The following SCAF11 variants were observed in gnomAD, a reference collection of about 807,000 sequenced individuals.
SCAF11 encodes protein SCAF11.
In SCAF11, 47 loss-of-function variants were observed where a neutral mutation model predicts 140.5. That is an observed-to-expected ratio of 0.33 (90% CI 0.26 to 0.43). SCAF11 has a LOEUF of 0.43. SCAF11 is among the 20% of genes least tolerant of loss of function. SCAF11 has a pLI of 1.00. For missense variants in SCAF11, 1,645 were observed against 1,705.1 expected, an observed-to-expected ratio of 0.96 and a Z score of 0.62; for synonymous variants, 557 against 579.4, an observed-to-expected ratio of 0.96 and a Z score of 0.55.
Position 45,920,129 on chromosome 12 carries a change from T to G in SCAF11, c.*1919A>C, listed in dbSNP as rs1314922336. 2.0e-5 allele frequency: 3 copies of G among 152,140 alleles called. No individual in the cohort carries two copies. Among genetic ancestry groups the G allele is most frequent in the Non-Finnish European group, 2.9e-5 (2 of 68,006 alleles). The allele number at this position is 152,140 out of a possible 1,614,324, so 9.4% of individuals were successfully genotyped here. ...CGCAAACTTTAAAAATATATACCAGTAGAATACCATATTACAAATGCCCAG... is the reference window on the plus strand; with the variant it reads ...CGCAAACTTTAAAAATATATACCAGGAGAATACCATATTACAAATGCCCAG... On this transcript the variant is annotated 3_prime_UTR_variant, in exon 15 of 15. Coordinates refer to ENST00000369367, the MANE Select transcript of SCAF11 (RefSeq NM_004719.3).
Position 45,981,140 on chromosome 12 carries a change from T to A in SCAF11, c.-22+9213A>T, listed in dbSNP as rs368692229. On this transcript the variant is annotated intron_variant, in intron 1 of 14. Coordinates refer to ENST00000369367, the MANE Select transcript of SCAF11 (RefSeq NM_004719.3). ...GGATTATCACCTAAATGTAATCTTA[T>A]TATAAATGCTACAAACTGCCAACTA... 2.3e-3 allele frequency among the ~76,000 whole-genome samples: 348 copies of A among 152,346 alleles called. 12 individuals are homozygous for A. The South Asian group carries it at 0.068, about 30-fold the overall frequency.
intron 10 of SCAF11, among the ~76,000 whole-genome samples, chr12:45,930,420 T>TA (rs1205954002): frequency 2.0e-5 from 3 of 151,902 alleles, no homozygotes; most frequent in Non-Finnish European, 4.4e-5. Context: ...ATGATTACAT[T>TA]AAACCAGGTT....
At position 45,934,202 on chromosome 12, in the gene SCAF11, T is replaced by G; in HGVS notation, c.606A>C (p.Glu202Asp). The change falls in exon 8 of 15, where the codon GAA becomes GAC. Residue 202 changes from glutamate to aspartate, a missense_variant. Around this residue, in one of 2 missense-constraint regions of SCAF11, gnomAD observed 1,582 missense variants for 1,609.2 expected, o/e 0.98. Coordinates refer to ENST00000369367, the MANE Select transcript of SCAF11 (RefSeq NM_004719.3). ...AATAAGCTCTATAGGTAAAGGAAGA[T>G]TCTCCAGAGTGGCTAACAGAAGAAA... The part of the protein sequence containing the change: ...NMFSSVSHSG[E>D]SSFTYRAYCT... The G allele has an allele frequency of 6.2e-7, 1 of 1,602,136 alleles. No individual in the cohort carries two copies. The highest frequency in any genetic ancestry group is 8.5e-7 in the Non-Finnish European group (1 of 1,170,360).
At chr12:45,970,314 G>GT (rs1453828897) in intron 1 of SCAF11, among the ~76,000 whole-genome samples, 1 of 152,220 alleles carries the variant, frequency 6.6e-6, no homozygotes, top group East Asian at 1.9e-4. Context: ...TTACAAGCAT[G>GT]TGCCACTGTG....
chr12:45,933,508 A>G (rs964522932), intron 8 of SCAF11, among the ~76,000 whole-genome samples: 1 of 152,170 alleles, frequency 6.6e-6, no homozygotes, highest in Non-Finnish European at 1.5e-5. Flanking sequence ...AATAAAGTCA[A>G]GTCAGAGTAA....
intron 1 of SCAF11, among the ~76,000 whole-genome samples, chr12:45,973,281 T>A (rs1280111176): frequency 3.5e-5 from 5 of 142,444 alleles, no homozygotes; most frequent in African/African-American, 7.9e-5. Context: ...AGAAAAACAT[T>A]GAAAAAAAAA....
At chr12:45,922,346 T>C (rs536717229) in intron 14 of SCAF11, 117 bp downstream of exon 14, 2 of 1,479,958 alleles carry the variant, frequency 1.4e-6, no homozygotes, top group Non-Finnish European at 9.1e-7. Flanking sequence ...GGCAAAAAAG[T>C]AGACAGGAAT....
intron 1 of SCAF11, chr12:45,975,705 G>C (rs1391385521): frequency 2.0e-5 from 3 of 152,370 alleles, no homozygotes; most frequent in Non-Finnish European, 2.9e-5. Flanking sequence ...CTTCATATCA[G>C]TGACAAGGCT....
intron 3 of SCAF11, chr12:45,961,353 A>G (rs1283060923): frequency 2.8e-6 from 2 of 715,376 alleles, no homozygotes; most frequent in East Asian, 5.4e-5. Context: ...AGCAGACAGA[A>G]GGTGTTATTA....
intron 5 of SCAF11, among the ~76,000 whole-genome samples, chr12:45,946,180 A>G (rs933375050): frequency 3.3e-5 from 5 of 152,210 alleles, no homozygotes; most frequent in Non-Finnish European, 1.5e-5. Flanking sequence ...ATGGAGGTTC[A>G]CTACCAAGAA....
At chr12:45,940,965 T>C (rs1945284376) in intron 6 of SCAF11, among the ~76,000 whole-genome samples, 1 of 152,134 alleles carries the variant, frequency 6.6e-6, no homozygotes, top group Non-Finnish European at 1.5e-5. Flanking sequence ...TCACCACACT[T>C]GGCTAATTTT....
chr12:45,961,538 TTAG>T (rs1345278834), intron 3 of SCAF11, 159 bp downstream of exon 3: 1 of 627,386 alleles, frequency 1.6e-6, no homozygotes, highest in African/African-American at 1.9e-5. Context: ...TAAAAGAAAA[TTAG>T]AAGAAAATGA....
In SCAF11 at chr12:45,931,586, T is replaced by G; in HGVS notation, c.761A>C (p.Glu254Ala). Reference protein sequence around the residue: ...GRIGFIPWNVETEVLPLISSV... With the variant: ...GRIGFIPWNVATEVLPLISSV... Reference sequence around the variant, plus strand: ...AGAAATGAGAGGAAGGACTTCTGTTTCAACATTCCAGGGTATAAAACCAAT... The same window carrying G: ...AGAAATGAGAGGAAGGACTTCTGTTGCAACATTCCAGGGTATAAAACCAAT... Residue 254 changes from glutamate to alanine, a missense_variant, in exon 10 of 15, where the codon GAA (glutamate) becomes GCA (alanine). Physicochemically the swap from Glu to Ala is moderately radical, Grantham distance 107. Coordinates refer to ENST00000369367, the MANE Select transcript of SCAF11 (RefSeq NM_004719.3). The G allele has an allele frequency of 2.6e-6, 4 of 1,538,600 alleles. No homozygotes were observed. The highest frequency in any genetic ancestry group is 1.3e-5 in the South Asian group (1 of 74,846).
At chr12:45,979,085 T>C (rs1404818975) in intron 1 of SCAF11, among the ~76,000 whole-genome samples, 1 of 100,650 alleles carries the variant, frequency 9.9e-6, no homozygotes, top group Admixed American at 1.0e-4. Flanking sequence ...TGGTGGGGCT[T>C]TTAGGAGGTG....
Position 45,926,219 on chromosome 12 carries a change from T to C in SCAF11, c.3482A>G (p.Tyr1161Cys). 1 of 1,614,216 alleles carries C rather than the reference T, an allele frequency of 6.2e-7. No individual in the cohort carries two copies. The highest frequency in any genetic ancestry group is 8.5e-7 in the Non-Finnish European group (1 of 1,180,030). Residue 1161 changes from tyrosine (Y) to cysteine (C), a missense_variant, in exon 11 of 15, where the codon TAC (tyrosine) becomes TGC (cysteine). Tyr to Cys is a radical substitution (Grantham distance 194). This residue lies in a region of SCAF11 where 1,582 missense variants were observed against 1,609.2 expected (regional missense o/e 0.98). Coordinates refer to ENST00000369367, the MANE Select transcript of SCAF11 (RefSeq NM_004719.3). ...RKTLPADVQN[Y>C]YSRRGRNSSG... ...AGAATTTCTGCCTCGTCGTGAGTAG[T>C]AGTTTTGTACATCTGCTGGCAAAGT...
chr12:45,925,146 C>G, intron 11 of SCAF11, 72 bp from the exon 12 acceptor site: 1 of 1,193,758 alleles, frequency 8.4e-7, no homozygotes, highest in Non-Finnish European at 1.2e-6. Context: ...CAAAGAACCA[C>G]TGGTTACAGT....
intron 3 of SCAF11, chr12:45,961,209 A>T: frequency 1.5e-6 from 1 of 663,232 alleles, no homozygotes; most frequent in African/African-American, 1.8e-5. Context: ...CAAGTCATAG[A>T]ACATAAAATC....
At chr12:45,949,862 A>G (rs1430313465) in intron 4 of SCAF11, among the ~76,000 whole-genome samples, 1 of 152,212 alleles carries the variant, frequency 6.6e-6, no homozygotes, top group East Asian at 1.9e-4. Flanking sequence ...AAATATACGT[A>G]GTACTTAAAG....
At chr12:45,980,017 A>G (rs1946315419) in intron 1 of SCAF11, among the ~76,000 whole-genome samples, 1 of 152,134 alleles carries the variant, frequency 6.6e-6, no homozygotes, top group Admixed American at 6.5e-5. Flanking sequence ...GTTTCATATT[A>G]TTTTTGGCTA....
Sources: allele counts gnomAD v4.1 joint callset (sites outside exome capture counted in the v4.1 genomes callset), GRCh38; gene constraint gnomAD v4.1.1; regional missense constraint gnomAD v4.1.1; transcripts MANE v1.5; gene names NCBI Gene and HGNC (gene_info 2026-07-23, HGNC 2026-07-21).